Variants in GNB1 observed in about 807,000 individuals in gnomAD.
GNB1 encodes G protein subunit beta 1.
A neutral mutation model predicts 42.9 loss-of-function variants in GNB1; 2 were observed. The observed-to-expected ratio is 0.05, with a 90% CI of 0.02 to 0.15. The LOEUF is 0.15. Ranked by LOEUF, GNB1 falls within the 10% of genes least tolerant of loss-of-function variation. GNB1 has a pLI of 1.00. For synonymous variants in GNB1, 183 were observed against 174.7 expected (o/e 1.05, Z -0.38); for missense variants, 193 against 462.2 (o/e 0.42, Z 5.34).
intron 2 of GNB1, among the ~76,000 whole-genome samples, chr1:1,827,162 A>C (rs965319662): frequency 6.6e-6 from 1 of 152,220 alleles, no homozygotes; most frequent in Non-Finnish European, 1.5e-5. Context: ...ATGACCTAAG[A>C]AGCTCAGCCG....
intron 5 of GNB1, among the ~76,000 whole-genome samples, chr1:1,811,083 T>A (rs4648721): frequency 0.11 from 2,633 of 24,094 alleles, 29 homozygotes; most frequent in Middle Eastern, 0.31. Flanking sequence ...ATATATATAT[T>A]TTTTTTTTTT....
chr1:1,806,370 C>A, intron 6 of GNB1, 105 bp downstream of exon 6: 2 of 683,086 alleles, frequency 2.9e-6, no homozygotes, highest in Admixed American at 2.5e-5. Context: ...CTTGCCGCTG[C>A]TGCCTTCCCT....
At chr1:1,830,893 A>G (rs1647066810) in intron 2 of GNB1, among the ~76,000 whole-genome samples, 1 of 152,108 alleles carries the variant, frequency 6.6e-6, no homozygotes, top group Non-Finnish European at 1.5e-5. Context: ...GCCAGGTGCA[A>G]TGGCTCAAGC....
rs1428482300 is a variant in GNB1, at chr1:1,785,289, C to T, written c.*1774G>A. On this transcript the variant is annotated 3_prime_UTR_variant, in exon 12 of 12. Transcript: ENST00000378609. ...GTAAATAATCACCACACCAAAGTCC[C>T]TCATGTCAAACTGCTTTATTACATC... 1 of 152,676 alleles carries T rather than the reference C, an allele frequency of 6.5e-6. No individual in the cohort carries two copies. Among genetic ancestry groups the T allele is most frequent in the Non-Finnish European group, 1.5e-5 (1 of 68,058 alleles). 9.5% of individuals were successfully genotyped at this position (152,676 alleles called of 1,614,324 possible). A position where few individuals can be genotyped will look rare whatever the true frequency, so the allele number is the denominator to read the frequency against.
chr1:1,802,840 C>A (rs987578234), intron 7 of GNB1, among the ~76,000 whole-genome samples: 9 of 150,724 alleles, frequency 6.0e-5, no homozygotes, highest in African/African-American at 2.2e-4. Context: ...AAACTTAAAA[C>A]TTTAAGTGAT....
chr1:1,833,840 C>T (rs1414122401), intron 2 of GNB1, among the ~76,000 whole-genome samples: 3 of 152,020 alleles, frequency 2.0e-5, no homozygotes, highest in African/African-American at 7.3e-5. Flanking sequence ...AAAATCTTAC[C>T]TTAGGATTTT....
Position 1,790,180 on chromosome 1 carries a change from G to A in GNB1, c.699+215C>T, listed in dbSNP as rs990707713. Among the ~76,000 whole-genome samples the A allele has an allele frequency of 1.3e-5, 2 of 152,178 alleles. No homozygotes were observed. Among genetic ancestry groups the A allele is most frequent in the Non-Finnish European group, 2.9e-5 (2 of 68,030 alleles). ...ACTGCTCAGCTGTAGAGGTGGGAAC[G>A]GGGACTGGCATACAACACCCTGTGA... On this transcript the variant is annotated intron_variant, in intron 9 of 11. Transcript: ENST00000378609. This position sits in a 1 kb window ranked among gnomAD's most constrained non-coding sequence, Gnocchi z 5.4.
At chr1:1,789,357 G>A in intron 9 of GNB1, 88 bp from the exon 10 acceptor site, 2 of 756,208 alleles carry the variant, frequency 2.6e-6, no homozygotes, top group East Asian at 2.7e-5. Context: ...GGGCTGCAGA[G>A]AACACAGCAG....
At chr1:1,821,274 G>A (rs1462054935) in intron 3 of GNB1, among the ~76,000 whole-genome samples, 1 of 152,140 alleles carries the variant, frequency 6.6e-6, no homozygotes, top group African/African-American at 2.4e-5. Context: ...ACACATCTAC[G>A]CCTGTGCATC....
At chr1:1,861,045 T>C (rs1397971299) in intron 1 of GNB1, among the ~76,000 whole-genome samples, 3 of 148,386 alleles carry the variant, frequency 2.0e-5, no homozygotes, top group East Asian at 4.0e-4. Flanking sequence ...GAGGCAGAGG[T>C]TGCAGTAAGC....
intron 1 of GNB1, among the ~76,000 whole-genome samples, chr1:1,883,193 G>A (rs1649950568): frequency 6.8e-6 from 1 of 147,872 alleles, no homozygotes; most frequent in Non-Finnish European, 1.5e-5. Context: ...GATCGTATGA[G>A]CCCAGGAGGT....
At position 1,808,891 on chromosome 1, in the gene GNB1, A is replaced by G. The variant is rs185503493; in HGVS notation, c.204-2353T>C. The stretch of plus-strand genomic sequence containing the variant: ...ACTCCTGGCCTCAAGTGATCCGCCC[A>G]CCTTGGCCTCCCAAAGTGTTGGGAT... On this transcript the variant is annotated intron_variant, in intron 5 of 11. Transcript: ENST00000378609. Among the ~76,000 whole-genome samples the G allele has an allele frequency of 8.4e-3, 1,282 of 152,228 alleles. 22 individuals are homozygous for G. Among genetic ancestry groups the G allele is most frequent in the African/African-American group, 0.03 (1,230 of 41,560 alleles).
At position 1,787,555 on chromosome 1, in the gene GNB1, C is replaced by A; in HGVS notation, c.917-118G>T. On this transcript the variant is annotated intron_variant, in intron 10 of 11. Transcript: ENST00000378609. The surrounding 1 kb of genome is among the most constrained non-coding windows in gnomAD (Gnocchi z 4.4). ...TCATGGGACAAGACCCAGAGTCTCC[C>A]ACGGCCAGGAAGGGAGGGAAAGTTG... 1 of 611,002 alleles carries A rather than the reference C, an allele frequency of 1.6e-6. No individual in the cohort carries two copies. The highest frequency in any genetic ancestry group is 2.9e-6 in the Non-Finnish European group (1 of 349,126). The allele number at this position is 611,002 out of a possible 1,614,324, so 37.8% of individuals were successfully genotyped here.
intron 5 of GNB1, among the ~76,000 whole-genome samples, chr1:1,810,718 A>G (rs1218482910): frequency 6.6e-6 from 1 of 151,764 alleles, no homozygotes; most frequent in Non-Finnish European, 1.5e-5. Flanking sequence ...CCCAGGTTGG[A>G]GTGCAGTGGT....
At chr1:1,877,298 CAAAAAA>C (rs67155402) in intron 1 of GNB1, among the ~76,000 whole-genome samples, 2 of 124,746 alleles carry the variant, frequency 1.6e-5, no homozygotes, top group East Asian at 2.3e-4. Flanking sequence ...GACTCTGTCT[CAAAAAA>C]AAAAAAAAAA....
intron 5 of GNB1, among the ~76,000 whole-genome samples, chr1:1,811,023 G>A (rs923126127): frequency 2.0e-5 from 3 of 150,606 alleles, no homozygotes; most frequent in Non-Finnish European, 3.0e-5. Flanking sequence ...GTCTCCATCC[G>A]TCACCCAGGC....
At chr1:1,834,965 G>A (rs1271941341) in intron 2 of GNB1, among the ~76,000 whole-genome samples, 2 of 152,086 alleles carry the variant, frequency 1.3e-5, no homozygotes, top group African/African-American at 4.8e-5. Context: ...ACTGCACCCG[G>A]CCTCCAAGCA....
At chr1:1,837,978 G>A (rs897016899) in intron 2 of GNB1, among the ~76,000 whole-genome samples, 15 of 151,808 alleles carry the variant, frequency 9.9e-5, no homozygotes, top group Admixed American at 8.5e-4. Flanking sequence ...CAAGGCGGGT[G>A]GATCACCTGA....
Position 1,787,069 on chromosome 1 carries a change from T to G in GNB1, c.*10-16A>C. The G allele has an allele frequency of 2.9e-6, 1 of 339,366 alleles. No individual in the cohort carries two copies. The highest frequency in any genetic ancestry group is 5.5e-6 in the Non-Finnish European group (1 of 181,676). The allele number at this position is 339,366 out of a possible 1,614,324, so 21.0% of individuals were successfully genotyped here. A position where few individuals can be genotyped will look rare whatever the true frequency, so the allele number is the denominator to read the frequency against. On this transcript the variant is annotated splice_polypyrimidine_tract_variant and intron_variant, in intron 11 of 11. Transcript: ENST00000378609. The surrounding 1 kb of genome is among the most constrained non-coding windows in gnomAD (Gnocchi z 4.4). ...CATCCACATGCTGTTTTAAACAGAG[T>G]TTAAAGAAATGTGAAAAGAGGCAGA... is the stretch of plus-strand genomic sequence containing the variant.
Sources: gnomAD v4.1 joint callset for allele counts (sites outside exome capture counted in the v4.1 genomes callset) on GRCh38, gnomAD v4.1.1 for gene constraint, Gnocchi (gnomAD v3.1) non-coding constraint, MANE v1.5 for transcripts, NCBI Gene and HGNC (gene_info 2026-07-23, HGNC 2026-07-21) for gene names.